RASGRP3: variants seen among roughly 807,000 people sequenced by gnomAD.
The protein encoded by RASGRP3 is RAS guanyl releasing protein 3.
A neutral mutation model predicts 82.7 loss-of-function variants in RASGRP3; 54 were observed. The ratio of observed to expected loss-of-function variants is 0.65; its 90% CI spans 0.52 to 0.82. The LOEUF is 0.82. RASGRP3 is among the 40% of genes least tolerant of loss of function. The pLI, the probability that RASGRP3 is intolerant of heterozygous loss-of-function variation, is 0.00. For missense variants in RASGRP3, 861 were observed against 828.9 expected, an observed-to-expected ratio of 1.04 and a Z score of -0.48; for synonymous variants, 309 against 300.5, an observed-to-expected ratio of 1.03 and a Z score of -0.29.
upstream of RASGRP3, among the ~76,000 whole-genome samples, chr2:33,473,825 A>G (rs552161912): frequency 2.6e-5 from 4 of 152,220 alleles, no homozygotes; most frequent in South Asian, 6.2e-4. Context: ...AGTGGTCCCT[A>G]ATGTATTTGG....
chr2:33,534,080 G>T (rs1657670071), intron 10 of RASGRP3: 1 of 508,124 alleles, frequency 2.0e-6, no homozygotes, highest in Non-Finnish European at 3.5e-6. Context: ...CCTGGGAGCT[G>T]CTCAGTAAAT....
intron 1 of RASGRP3, among the ~76,000 whole-genome samples, chr2:33,496,298 A>G (rs1444940463): frequency 6.6e-6 from 1 of 152,128 alleles, no homozygotes; most frequent in Non-Finnish European, 1.5e-5. Context: ...GTGGACAGGA[A>G]CTCTGCTCTT....
At chr2:33,552,018 CAAACAAACA>C (rs138246548) in intron 14 of RASGRP3, among the ~76,000 whole-genome samples, 20,747 of 133,992 alleles carry the variant, frequency 0.15, 1,938 homozygotes, top group Admixed American at 0.19. Context: ...AACAAACAAA[CAAACAAACA>C]GAGAAACAAA....
intron 1 of RASGRP3, among the ~76,000 whole-genome samples, chr2:33,501,140 T>C (rs755610512): frequency 8.5e-5 from 13 of 152,226 alleles, no homozygotes; most frequent in Non-Finnish European, 1.6e-4. Flanking sequence ...GATTTGCCTA[T>C]TCTACATATT....
At chr2:33,561,890 G>T (rs1056286593) in intron 17 of RASGRP3, among the ~76,000 whole-genome samples, 1 of 152,066 alleles carries the variant, frequency 6.6e-6, no homozygotes, top group Non-Finnish European at 1.5e-5. Flanking sequence ...TTACTCTCTT[G>T]GCAGTAAGAA....
intron 1 of RASGRP3, among the ~76,000 whole-genome samples, chr2:33,439,262 T>G (rs993288265): frequency 2.0e-5 from 3 of 152,216 alleles, no homozygotes; most frequent in Non-Finnish European, 4.4e-5. Context: ...AAGCATCCTG[T>G]ATGTGGAGCC....
At chr2:33,543,893 T>C (rs1166173074) in intron 13 of RASGRP3, among the ~76,000 whole-genome samples, 1 of 152,192 alleles carries the variant, frequency 6.6e-6, no homozygotes, top group Non-Finnish European at 1.5e-5. Flanking sequence ...ATTGCTTCTA[T>C]TGCTTAGCTC....
chr2:33,481,840 A>C (rs1387419540), intron 1 of RASGRP3: 2 of 151,634 alleles, frequency 1.3e-5, no homozygotes, highest in South Asian at 2.1e-4. Flanking sequence ...AGTAGCTGGG[A>C]CTACAGGCGT....
intron 17 of RASGRP3, 129 bp downstream of exon 17, chr2:33,559,159 T>A: frequency 1.3e-6 from 1 of 756,974 alleles, no homozygotes; most frequent in Non-Finnish European, 2.1e-6. Context: ...TGAAGACATG[T>A]ATCACTTTTA....
intron 11 of RASGRP3, among the ~76,000 whole-genome samples, chr2:33,535,638 C>T (rs1673534208): frequency 1.3e-5 from 2 of 152,240 alleles, no homozygotes; most frequent in Non-Finnish European, 2.9e-5. Flanking sequence ...AGTGCATATG[C>T]TTCCATGAGC....
chr2:33,448,386 A>C (rs761151840), intron 2 of RASGRP3, among the ~76,000 whole-genome samples: 1 of 152,236 alleles, frequency 6.6e-6, no homozygotes, highest in Non-Finnish European at 1.5e-5. Flanking sequence ...ATAATAGCTG[A>C]AAGGCAGACA....
intron 4 of RASGRP3, among the ~76,000 whole-genome samples, chr2:33,517,636 G>A (rs1671595645): frequency 6.6e-6 from 1 of 152,204 alleles, no homozygotes; most frequent in South Asian, 2.1e-4. Context: ...CTGTGGAAGT[G>A]AGCAAGATCC....
intron 2 of RASGRP3, among the ~76,000 whole-genome samples, chr2:33,461,048 C>T (rs1295307043): frequency 1.3e-5 from 2 of 152,170 alleles, no homozygotes; most frequent in Non-Finnish European, 2.9e-5. Flanking sequence ...CGTTTATTTC[C>T]ATCAACCAAG....
At chr2:33,530,110 C>T (rs557629373) in intron 10 of RASGRP3, among the ~76,000 whole-genome samples, 1 of 152,338 alleles carries the variant, frequency 6.6e-6, no homozygotes, top group East Asian at 1.9e-4. Context: ...ACACACATAT[C>T]TGGATTAGAC....
intron 2 of RASGRP3, among the ~76,000 whole-genome samples, chr2:33,460,640 G>A (rs1454904195): frequency 6.6e-6 from 1 of 151,026 alleles, no homozygotes; most frequent in Admixed American, 6.6e-5. Flanking sequence ...TCAGCCTCCT[G>A]AGTAGCTGGG....
At chr2:33,480,265 G>A (rs545617201) in intron 1 of RASGRP3, among the ~76,000 whole-genome samples, 17 of 152,092 alleles carry the variant, frequency 1.1e-4, no homozygotes, top group South Asian at 4.2e-4. Context: ...GGATGCTCTC[G>A]ATCTCCTGAC....
chr2:33,488,733 C>A (rs1374385011), intron 1 of RASGRP3, among the ~76,000 whole-genome samples: 2 of 152,178 alleles, frequency 1.3e-5, no homozygotes, highest in Non-Finnish European at 2.9e-5. Flanking sequence ...AAAATGTTCT[C>A]AATTATGTCA....
chr2:33,505,753 G>A (rs370818855), intron 1 of RASGRP3, among the ~76,000 whole-genome samples: 3 of 152,170 alleles, frequency 2.0e-5, no homozygotes, highest in Non-Finnish European at 4.4e-5. Flanking sequence ...GTGAACACTC[G>A]AGTTGCCATA....
At chr2:33,537,944 A>C (rs1367482832) in intron 11 of RASGRP3, among the ~76,000 whole-genome samples, 2 of 152,206 alleles carry the variant, frequency 1.3e-5, no homozygotes, top group African/African-American at 2.4e-5. Context: ...AGACCTAATG[A>C]TTGGCAGAAC....
Sources: gnomAD v4.1 joint callset for allele counts (sites outside exome capture counted in the v4.1 genomes callset) on GRCh38, gnomAD v4.1.1 for gene constraint, MANE v1.5 for transcripts, NCBI Gene and HGNC (gene_info 2026-07-23, HGNC 2026-07-21) for gene names.